VMP1: variants seen among roughly 807,000 people sequenced by gnomAD.
VMP1 encodes vacuole membrane protein 1.
Under a neutral mutation model 56.0 loss-of-function variants are expected in VMP1, and 11 were observed. That is an observed-to-expected ratio of 0.20 (90% confidence interval 0.12 to 0.32). The LOEUF (loss-of-function observed/expected upper bound fraction) is 0.32, where lower values mean the gene tolerates loss of function less well. Among genes scored for constraint, VMP1 ranks in the 10% least tolerant of loss-of-function variants. VMP1 has a pLI of 1.00. For missense variants in VMP1, 296 were observed against 490.3 expected, an observed-to-expected ratio of 0.60 and a Z score of 3.74; for synonymous variants, 149 against 165.0, an observed-to-expected ratio of 0.90 and a Z score of 0.74.
chr17:59,780,546 A>G (rs1162541143), intron 7 of VMP1, among the ~76,000 whole-genome samples: 1 of 152,026 alleles, frequency 6.6e-6, no homozygotes, highest in Non-Finnish European at 1.5e-5. Context: ...TTTTCCTCCT[A>G]TATTGGATTT....
intron 5 of VMP1, among the ~76,000 whole-genome samples, chr17:59,759,699 C>T (rs774467458): frequency 3.9e-5 from 6 of 152,016 alleles, no homozygotes; most frequent in South Asian, 2.1e-4. Flanking sequence ...TTATAGACAG[C>T]GTGTACTAAT....
chr17:59,809,465 C>CT (rs2037972727), intron 8 of VMP1, among the ~76,000 whole-genome samples: 1 of 138,660 alleles, frequency 7.2e-6, no homozygotes, highest in Non-Finnish European at 1.5e-5. Flanking sequence ...TTTCAGGCGA[C>CT]TGCCACCACA....
intron 5 of VMP1, among the ~76,000 whole-genome samples, chr17:59,739,999 C>G (rs1352305560): frequency 6.6e-6 from 1 of 150,740 alleles, no homozygotes; most frequent in African/African-American, 2.4e-5. Context: ...GTGATGTGAA[C>G]CTGGGAGGTG....
At chr17:59,777,165 C>T (rs530594181) in intron 7 of VMP1, among the ~76,000 whole-genome samples, 14 of 152,160 alleles carry the variant, frequency 9.2e-5, no homozygotes, top group Non-Finnish European at 2.1e-4. Flanking sequence ...ACAGTTGCTT[C>T]TGTCTTGGTT....
intron 10 of VMP1, among the ~76,000 whole-genome samples, chr17:59,823,476 G>A (rs986256050): frequency 1.3e-5 from 2 of 149,396 alleles, no homozygotes. Flanking sequence ...CGGGCCGGGG[G>A]CAGTGGCTCA....
chr17:59,740,214 T>C (rs953209602), intron 5 of VMP1, among the ~76,000 whole-genome samples: 2 of 152,104 alleles, frequency 1.3e-5, no homozygotes, highest in African/African-American at 4.8e-5. Context: ...GCACAAAATA[T>C]AAATAGGCAC....
At chr17:59,797,340 C>CAAAAA (rs769486306) in intron 7 of VMP1, among the ~76,000 whole-genome samples, 1 of 65,176 alleles carries the variant, frequency 1.5e-5, no homozygotes, top group Non-Finnish European at 3.1e-5. Context: ...GACTCTGTCT[C>CAAAAA]AAAAAAAAAA....
At position 59,808,901 on chromosome 17, in the gene VMP1, AC is replaced by A. The variant is rs777167684; in HGVS notation, c.795+26del. The A allele has an allele frequency of 1.9e-6, 3 of 1,591,170 alleles. No individual in the cohort carries two copies. The South Asian group carries it at 3.3e-5, about 18-fold the overall frequency. On this transcript the variant is annotated intron_variant, in intron 8 of 11. Coordinates refer to ENST00000262291, the MANE Select transcript of VMP1 (RefSeq NM_030938.5). Reference sequence around the variant, plus strand: ...AGTAAGTGAATTGTATTAAAACAGAACTTTTACTAAGTGGTAGTGTTATATT... The same window carrying A: ...AGTAAGTGAATTGTATTAAAACAGAATTTTACTAAGTGGTAGTGTTATATT...
At chr17:59,708,726 G>T (rs557886959) in intron 1 of VMP1, among the ~76,000 whole-genome samples, 8 of 152,290 alleles carry the variant, frequency 5.3e-5, no homozygotes, top group Non-Finnish European at 1.0e-4. Flanking sequence ...CCTAGTAATT[G>T]TATTGTCATT....
chr17:59,810,256 C>T (rs2038011151), intron 8 of VMP1, among the ~76,000 whole-genome samples: 1 of 152,004 alleles, frequency 6.6e-6, no homozygotes, highest in African/African-American at 2.4e-5. Flanking sequence ...CAGGTTCAAG[C>T]GATTCTCCTG....
rs140180294 is a variant in VMP1, at chr17:59,790,444, G to A, written c.714+16559G>A. On this transcript the variant is annotated intron_variant, in intron 7 of 11. Coordinates refer to ENST00000262291, the MANE Select transcript of VMP1 (RefSeq NM_030938.5). The stretch of plus-strand genomic sequence containing the variant: ...GTAGTAAAGACTCAGTAAGTTTATA[G>A]CCCATCATATAAAGCAGTGCTTCCA... Among the ~76,000 whole-genome samples the A allele has an allele frequency of 7.6e-3, 1,151 of 152,206 alleles. 2 individuals are homozygous for A. Among genetic ancestry groups the A allele is most frequent in the Middle Eastern group, 0.02 (6 of 294 alleles).
Position 59,817,715 on chromosome 17 carries a change from A to T in VMP1, c.916A>T (p.Ile306Phe), listed in dbSNP as rs1413273145. 2 of 1,599,758 alleles carry T rather than the reference A, an allele frequency of 1.3e-6. No individual in the cohort carries two copies. Among genetic ancestry groups the T allele is most frequent in the Non-Finnish European group, 1.7e-6 (2 of 1,175,018 alleles). ...KAIIKMHIQK[I>F]FVIITFSKHI... ...TTAACTGGTGTTTTCTTTACAGAAA[A>T]TTTTTGTTATAATAACATTCAGCAA... Residue 306 changes from isoleucine (I) to phenylalanine (F), a missense_variant, in exon 10 of 12, where the codon ATT becomes TTT. Ile to Phe is a conservative substitution (Grantham distance 21). Around this residue, in one of 4 missense-constraint regions of VMP1, gnomAD observed 95 missense variants for 137.6 expected, o/e 0.69. Transcript: ENST00000262291.
At position 59,777,404 on chromosome 17, in the gene VMP1, A is replaced by G. The variant is rs182710855; in HGVS notation, c.714+3519A>G. Among the ~76,000 whole-genome samples, 7 of 152,046 alleles carry G rather than the reference A, an allele frequency of 4.6e-5. No homozygotes were observed. The East Asian group carries it at 1.2e-3, about 25-fold the overall frequency. On this transcript the variant is annotated intron_variant, in intron 7 of 11. Transcript: ENST00000262291. The stretch of plus-strand genomic sequence containing the variant: ...TGTTCAATTGTCTTCAAGTTTCTGT[A>G]ATTGGTATCCAGAGGACCGATGCCC...
chr17:59,717,902 AG>A (rs2034229446), intron 1 of VMP1, among the ~76,000 whole-genome samples: 1 of 152,222 alleles, frequency 6.6e-6, no homozygotes, highest in African/African-American at 2.4e-5. Flanking sequence ...CCTGGATGAC[AG>A]AGCAGAGCAA....
At chr17:59,777,811 C>T in intron 7 of VMP1, among the ~76,000 whole-genome samples, 1 of 134,904 alleles carries the variant, frequency 7.4e-6, no homozygotes, top group East Asian at 2.5e-4. Context: ...AAGACTCCGT[C>T]TCAAAACAAA....
Position 59,765,051 on chromosome 17 carries a change from G to C in VMP1, c.495G>C (p.Gln165His). ...TTCCCGAACCACCCTATCCTGATCAGATTATTTGTCCAGATGAAGAGGGCA... is the reference window on the plus strand; with the variant it reads ...TTCCCGAACCACCCTATCCTGATCACATTATTTGTCCAGATGAAGAGGGCA... ...VNFPEPPYPD[Q>H]IICPDEEGTE... The change falls in exon 6 of 12, where the codon CAG (glutamine) becomes CAC (histidine). Residue 165 changes from glutamine to histidine, a missense_variant. Gln to His is a conservative substitution (Grantham distance 24). Around this residue, in one of 4 missense-constraint regions of VMP1, gnomAD observed 126 missense variants for 231.6 expected, o/e 0.54. Transcript: ENST00000262291. 1 of 1,614,062 alleles carries C rather than the reference G, an allele frequency of 6.2e-7. No homozygotes were observed.
chr17:59,788,472 G>A (rs1485102158), intron 7 of VMP1, among the ~76,000 whole-genome samples: 1 of 150,518 alleles, frequency 6.6e-6, no homozygotes, highest in Admixed American at 6.7e-5. Flanking sequence ...GGGTGATGGA[G>A]AGAGACTCAG....
chr17:59,804,419 G>T (rs1469676108), intron 7 of VMP1, among the ~76,000 whole-genome samples: 1 of 151,856 alleles, frequency 6.6e-6, no homozygotes, highest in Non-Finnish European at 1.5e-5. Flanking sequence ...TTTGACACCA[G>T]CCTGGGCAAC....
intron 4 of VMP1, among the ~76,000 whole-genome samples, chr17:59,737,939 TTTTTTGTA>T (rs2035078099): frequency 6.6e-6 from 1 of 151,998 alleles, no homozygotes; most frequent in South Asian, 2.1e-4. Context: ...CCAGCTAATT[TTTTTTGTA>T]TTTTTGTAGA....
Sources: gnomAD v4.1 joint callset for allele counts (sites outside exome capture counted in the v4.1 genomes callset) on GRCh38, gnomAD v4.1.1 for gene constraint, gnomAD v4.1.1 regional missense constraint, MANE v1.5 for transcripts, NCBI Gene and HGNC (gene_info 2026-07-23, HGNC 2026-07-21) for gene names.